The following MRPL37 variants were observed in gnomAD, a reference collection of about 807,000 sequenced individuals.
MRPL37 encodes mitochondrial ribosomal protein L37.
In MRPL37, 34 loss-of-function variants were observed where a neutral mutation model predicts 44.1. The ratio of observed to expected loss-of-function variants is 0.77; its 90% CI spans 0.59 to 1.03. MRPL37 has a LOEUF of 1.03. Among genes scored for constraint, MRPL37 ranks in the 50% least tolerant of loss-of-function variants. The pLI, the probability that MRPL37 is intolerant of heterozygous loss-of-function variation, is 0.00. For missense variants in MRPL37, 532 were observed against 543.7 expected (o/e 0.98, Z 0.21); for synonymous variants, 212 against 219.5 (o/e 0.97, Z 0.30).
chr1:54,222,874 C>T (rs1644245431), downstream of MRPL37, among the ~76,000 whole-genome samples: 1 of 152,220 alleles, frequency 6.6e-6, no homozygotes. Flanking sequence ...CATCTCTGTC[C>T]TTCCGTGTCT....
In MRPL37 at chr1:54,218,357, A is replaced by G; in HGVS notation, c.*108A>G. Reference sequence around the variant, plus strand: ...CGTTTGGCCTGCTGCTCTCGCTGACAATAAAGAGCCCTTGCGTTGCACTGA... The same window carrying G: ...CGTTTGGCCTGCTGCTCTCGCTGACGATAAAGAGCCCTTGCGTTGCACTGA... On this transcript the variant is annotated 3_prime_UTR_variant, in exon 7 of 7. Transcript: ENST00000360840. 2 of 1,585,200 alleles carry G rather than the reference A, an allele frequency of 1.3e-6. No individual in the cohort carries two copies. The highest frequency in any genetic ancestry group is 4.5e-5 in the East Asian group (2 of 44,690).
At chr1:54,217,447 C>T (rs1644205773) in intron 6 of MRPL37, among the ~76,000 whole-genome samples, 1 of 152,190 alleles carries the variant, frequency 6.6e-6, no homozygotes, top group African/African-American at 2.4e-5. Context: ...CAGGGCTGGG[C>T]CTGTTGTGGT....
chr1:54,210,399 G>A (rs1644155565), intron 4 of MRPL37, among the ~76,000 whole-genome samples: 1 of 152,090 alleles, frequency 6.6e-6, no homozygotes, highest in East Asian at 1.9e-4. Flanking sequence ...ACATCAGAGT[G>A]GCTTGAGGGA....
downstream of MRPL37, chr1:54,225,078 C>T: frequency 8.1e-7 from 1 of 1,233,942 alleles, no homozygotes; most frequent in Non-Finnish European, 1.0e-6. Context: ...ATAGCGACTC[C>T]CCATAGAAAA....
intron 3 of MRPL37, among the ~76,000 whole-genome samples, chr1:54,208,440 T>G (rs1644139724): frequency 6.9e-6 from 1 of 145,948 alleles, no homozygotes; most frequent in African/African-American, 2.6e-5. Context: ...TCCCAGCTAC[T>G]CGGGAGGCTG....
chr1:54,200,263 C>A lies in MRPL37; in HGVS notation c.20C>A (p.Pro7His). ...ATCGGTATGGCATTGGCGTCCGGGC[C>A]CGCAAGGCGGGCGCTAGCTGGCTCC... MALASG[P>H]ARRALAGSGQ... Residue 7 changes from proline (P) to histidine (H), a missense_variant, in exon 1 of 7, where the codon CCC (proline) becomes CAC (histidine). Pro to His is a moderately conservative substitution (Grantham distance 77, BLOSUM62 -2). Transcript: ENST00000360840. 1 of 1,595,190 alleles carries A rather than the reference C, an allele frequency of 6.3e-7. No individual in the cohort carries two copies. The highest frequency in any genetic ancestry group is 8.5e-7 in the Non-Finnish European group (1 of 1,173,070).
In MRPL37 at chr1:54,205,210, C is replaced by A. The variant is rs200479083; in HGVS notation, c.530+9C>A. On this transcript the variant is annotated intron_variant, in intron 2 of 6. Coordinates refer to ENST00000360840, the MANE Select transcript of MRPL37 (RefSeq NM_016491.4). ...AAGAGAGAGACCTACTGGTAAGTTC[C>A]CCCAAGTAAAGAAGATTTCCTACTA... 2 of 1,608,690 alleles carry A rather than the reference C, an allele frequency of 1.2e-6. No individual in the cohort carries two copies. Among genetic ancestry groups the A allele is most frequent in the Non-Finnish European group, 1.7e-6 (2 of 1,175,730 alleles).
chr1:54,208,947 C>T (rs35848030), intron 3 of MRPL37, among the ~76,000 whole-genome samples: 7 of 152,104 alleles, frequency 4.6e-5, no homozygotes, highest in Admixed American at 1.3e-4. Context: ...TCCCTCCCCC[C>T]ACTCCGCCAA....
rs566317874 is a variant in MRPL37 at position 54,218,333 on chromosome 1, G to C, written c.*84G>C. 2 of 1,603,690 alleles carry C rather than the reference G, an allele frequency of 1.2e-6. No individual in the cohort carries two copies. Among genetic ancestry groups the C allele is most frequent in the Admixed American group, 1.7e-5 (1 of 58,268 alleles). On this transcript the variant is annotated 3_prime_UTR_variant, in exon 7 of 7. Transcript: ENST00000360840. ...TGGGCCCCGTGGAGCCTCAGTGCCCGTTTGGCCTGCTGCTCTCGCTGACAA... is the reference window on the plus strand; with the variant it reads ...TGGGCCCCGTGGAGCCTCAGTGCCCCTTTGGCCTGCTGCTCTCGCTGACAA...
downstream of MRPL37, among the ~76,000 whole-genome samples, chr1:54,224,941 GAAAA>G (rs1252803454): frequency 7.2e-6 from 1 of 139,826 alleles, no homozygotes; most frequent in Non-Finnish European, 1.5e-5. Context: ...GGAGGTTTAG[GAAAA>G]AAAAAAATCA....
At chr1:54,201,558 G>A (rs887473336) in intron 1 of MRPL37, among the ~76,000 whole-genome samples, 52 of 152,220 alleles carry the variant, frequency 3.4e-4, no homozygotes, top group African/African-American at 1.2e-3. Flanking sequence ...GGCTGAAAAT[G>A]TATTGTGTAT....
chr1:54,222,094 T>G (rs938594711), downstream of MRPL37, among the ~76,000 whole-genome samples: 1 of 152,166 alleles, frequency 6.6e-6, no homozygotes, highest in Non-Finnish European at 1.5e-5. Context: ...CTCAACAACA[T>G]CCAGTTATTC....
At chr1:54,221,864 A>AGGT (rs920182333), downstream of MRPL37, among the ~76,000 whole-genome samples, 11 of 144,854 alleles carry the variant, frequency 7.6e-5, no homozygotes, top group East Asian at 1.4e-3. Flanking sequence ...ACTGTGTACC[A>AGGT]GGTGTTGTGC....
chr1:54,210,828 A>G (rs1030438797), intron 4 of MRPL37, among the ~76,000 whole-genome samples: 6 of 152,144 alleles, frequency 3.9e-5, no homozygotes, highest in Non-Finnish European at 5.9e-5. Flanking sequence ...TCTCTGGTCC[A>G]TCTAGTTCAT....
chr1:54,225,314 A>G, downstream of MRPL37: 2 of 1,234,092 alleles, frequency 1.6e-6, no homozygotes, highest in Admixed American at 4.2e-5. Flanking sequence ...CAGACGCCTC[A>G]AACACAAAAC....
intron 3 of MRPL37, among the ~76,000 whole-genome samples, chr1:54,206,715 T>C (rs1570142155): frequency 6.6e-6 from 1 of 152,094 alleles, no homozygotes; most frequent in African/African-American, 2.4e-5. Context: ...CGGCCTAGAA[T>C]ACTCTTTTCT....
chr1:54,200,657 G>A, intron 1 of MRPL37, 68 bp downstream of exon 1: 2 of 1,486,890 alleles, frequency 1.3e-6, no homozygotes, highest in African/African-American at 1.4e-5. Flanking sequence ...ACCCTCTGTG[G>A]CTTTGGGCAA....
intron 6 of MRPL37, among the ~76,000 whole-genome samples, chr1:54,216,997 C>T (rs1031216572): frequency 8.5e-5 from 13 of 152,154 alleles, no homozygotes; most frequent in Admixed American, 3.9e-4. Context: ...GCTCAGCTGA[C>T]GGGGTCCAGG....
downstream of MRPL37, among the ~76,000 whole-genome samples, chr1:54,219,309 TC>T (rs150737488): frequency 1.9e-3 from 295 of 152,366 alleles, no homozygotes; most frequent in African/African-American, 6.6e-3. Flanking sequence ...TGTGGGAACT[TC>T]CAGCAGCTGG....
Sources: allele counts gnomAD v4.1 joint callset (sites outside exome capture counted in the v4.1 genomes callset), GRCh38; gene constraint gnomAD v4.1.1; transcripts MANE v1.5; gene names NCBI Gene and HGNC (gene_info 2026-07-23, HGNC 2026-07-21).